The following KCNH5 variants were observed in gnomAD, a reference collection of about 807,000 sequenced individuals.
The protein encoded by KCNH5 is voltage-gated delayed rectifier potassium channel KCNH5.
Under a neutral mutation model 96.1 loss-of-function variants are expected in KCNH5, and 46 were observed. The ratio of observed to expected loss-of-function variants is 0.48; its 90% CI spans 0.38 to 0.61. KCNH5 has a LOEUF of 0.61. Ranked by LOEUF, KCNH5 falls within the 20% of genes least tolerant of loss-of-function variation. KCNH5 has a pLI of 0.00. For synonymous variants in KCNH5, 439 were observed against 449.8 expected (o/e 0.98, Z 0.30); for missense variants, 907 against 1,225.8 (o/e 0.74, Z 3.88).
chr14:62,904,348 C>T (rs1162039164), intron 7 of KCNH5, among the ~76,000 whole-genome samples: 1 of 152,174 alleles, frequency 6.6e-6, no homozygotes, highest in East Asian at 1.9e-4. Flanking sequence ...CACTTGTATG[C>T]TACTATGACA....
At chr14:63,002,556 T>C (rs756121005) in intron 3 of KCNH5, among the ~76,000 whole-genome samples, 1 of 152,168 alleles carries the variant, frequency 6.6e-6, no homozygotes, top group African/African-American at 2.4e-5. Flanking sequence ...CAGGTATTAA[T>C]AGTCTGTAGG....
intron 10 of KCNH5, among the ~76,000 whole-genome samples, chr14:62,762,009 T>A (rs543446800): frequency 2.3e-4 from 35 of 152,074 alleles, no homozygotes; most frequent in African/African-American, 7.7e-4. Flanking sequence ...AGGTGTGGAG[T>A]GGACCATTCT....
chr14:62,846,974 T>TG (rs1887709952), intron 8 of KCNH5, among the ~76,000 whole-genome samples: 2 of 148,884 alleles, frequency 1.3e-5, no homozygotes, highest in South Asian at 4.2e-4. Flanking sequence ...CTAATTTTTT[T>TG]TATTTTTAGT....
intron 4 of KCNH5, among the ~76,000 whole-genome samples, chr14:62,997,285 G>A (rs1026398628): frequency 6.6e-6 from 1 of 151,998 alleles, no homozygotes; most frequent in African/African-American, 2.4e-5. Flanking sequence ...GGGTAGTTGG[G>A]GAGTAAGATG....
At chr14:62,963,344 C>T (rs1042271368) in intron 6 of KCNH5, among the ~76,000 whole-genome samples, 3 of 152,076 alleles carry the variant, frequency 2.0e-5, no homozygotes, top group Non-Finnish European at 2.9e-5. Flanking sequence ...GGAATGCATA[C>T]CCATGGGTAA....
intron 9 of KCNH5, among the ~76,000 whole-genome samples, chr14:62,781,034 C>T (rs1042691164): frequency 9.2e-5 from 14 of 151,872 alleles, no homozygotes; most frequent in Admixed American, 6.6e-4. Flanking sequence ...AGACCTTTAT[C>T]GGGGAATCTG....
At position 63,016,935 on chromosome 14, in the gene KCNH5, T is replaced by G; in HGVS notation, c.93A>C (p.Gly31=). The G allele has an allele frequency of 6.2e-7, 1 of 1,605,552 alleles. No homozygotes were observed. Among genetic ancestry groups the G allele is most frequent in the Non-Finnish European group, 8.5e-7 (1 of 1,176,250 alleles). ...RRSSESSFLL[G]NAQIVDWPVV... is the part of the protein sequence containing the mutation. The stretch of plus-strand genomic sequence containing the variant: ...CAGGCCAATCCACAATCTGGGCATT[T>G]CCCAGTAAGAAACTTGATTCTGAAG... The change falls in exon 2 of 11, where the codon GGA becomes GGC. Residue 31 remains glycine (G), a synonymous_variant. Transcript: ENST00000322893.
chr14:62,978,494 G>A (rs559663761), intron 6 of KCNH5, among the ~76,000 whole-genome samples: 1 of 151,938 alleles, frequency 6.6e-6, no homozygotes, highest in Middle Eastern at 3.4e-3. Flanking sequence ...AGCTGAGGCC[G>A]GAGAATGGCG....
chr14:62,732,184 C>T (rs1194222408), intron 10 of KCNH5, among the ~76,000 whole-genome samples: 16 of 152,178 alleles, frequency 1.1e-4, no homozygotes, highest in Admixed American at 3.9e-4. Context: ...CCTTCTGTAT[C>T]AGGAAAACTG....
chr14:62,724,183 C>T (rs1884874413), intron 10 of KCNH5, among the ~76,000 whole-genome samples: 1 of 152,120 alleles, frequency 6.6e-6, no homozygotes, highest in Admixed American at 6.5e-5. Flanking sequence ...GTTATTAGTA[C>T]CACCCCCAAT....
Position 63,045,365 on chromosome 14 carries a change from TG to T in KCNH5, c.-180del. On this transcript the variant is annotated 5_prime_UTR_variant, in exon 1 of 11. Coordinates refer to ENST00000322893, the MANE Select transcript of KCNH5 (RefSeq NM_139318.5). The stretch of plus-strand genomic sequence containing the variant: ...CCAGCCCGACCCGGATGAGCAGCTC[TG>T]GGGAGGAGGACCAGGCAGTTCATGG... 1.6e-6 allele frequency: 1 copy of T among 626,416 alleles called. No homozygotes were observed. Among genetic ancestry groups the T allele is most frequent in the Non-Finnish European group, 2.9e-6 (1 of 347,496 alleles). The allele number at this position is 626,416 out of a possible 1,614,324, so 38.8% of individuals were successfully genotyped here.
intron 8 of KCNH5, among the ~76,000 whole-genome samples, chr14:62,838,446 T>C (rs1238019908): frequency 6.6e-6 from 1 of 152,192 alleles, no homozygotes; most frequent in Admixed American, 6.5e-5. Context: ...ATGCCCCATC[T>C]AAGCAACCTG....
chr14:62,982,776 A>C (rs969304866), intron 5 of KCNH5, among the ~76,000 whole-genome samples: 1 of 152,116 alleles, frequency 6.6e-6, no homozygotes, highest in Non-Finnish European at 1.5e-5. Context: ...GGTCCCTTTA[A>C]TTGTATGTTA....
intron 8 of KCNH5, among the ~76,000 whole-genome samples, chr14:62,818,035 C>G (rs1171915522): frequency 7.3e-6 from 1 of 136,736 alleles, no homozygotes; most frequent in East Asian, 2.3e-4. Flanking sequence ...ACTGCTTGAT[C>G]TCACCTATAT....
chr14:62,767,152 T>C (rs1040961285), intron 10 of KCNH5, among the ~76,000 whole-genome samples: 1 of 152,154 alleles, frequency 6.6e-6, no homozygotes, highest in Non-Finnish European at 1.5e-5. Flanking sequence ...GGAATGGCTA[T>C]TCTTAAAAAG....
At chr14:62,877,296 T>A (rs1474721607) in intron 7 of KCNH5, among the ~76,000 whole-genome samples, 1 of 151,720 alleles carries the variant, frequency 6.6e-6, no homozygotes. Context: ...AAGGACTTCA[T>A]GTCTAAAACA....
chr14:62,756,710 T>C (rs57920170), intron 10 of KCNH5, among the ~76,000 whole-genome samples: 2,973 of 152,282 alleles, frequency 0.02, 88 homozygotes, highest in African/African-American at 0.067. Context: ...AAAGACAGTC[T>C]CTTCAATAAA....
chr14:62,877,206 A>C (rs1005862220), intron 7 of KCNH5, among the ~76,000 whole-genome samples: 3 of 151,942 alleles, frequency 2.0e-5, no homozygotes, highest in South Asian at 2.1e-4. Flanking sequence ...AGATGGATTA[A>C]AGACTTAAAC....
At chr14:62,709,693 A>G (rs1193339407) in intron 10 of KCNH5, among the ~76,000 whole-genome samples, 1 of 152,220 alleles carries the variant, frequency 6.6e-6, no homozygotes, top group South Asian at 2.1e-4. Flanking sequence ...TGAAGATAAT[A>G]ATGGGAAGAA....
Sources: allele counts gnomAD v4.1 joint callset (sites outside exome capture counted in the v4.1 genomes callset), GRCh38; gene constraint gnomAD v4.1.1; transcripts MANE v1.5; gene names NCBI Gene and HGNC (gene_info 2026-07-23, HGNC 2026-07-21).